LRRTM4: variants seen among roughly 807,000 people sequenced by gnomAD.
LRRTM4 encodes the protein leucine rich repeat transmembrane neuronal 4.
LRRTM4 carries 25 observed loss-of-function variants against 47.6 expected under a neutral mutation model. The ratio of observed to expected loss-of-function variants is 0.53; its 90% CI spans 0.38 to 0.73. The LOEUF (loss-of-function observed/expected upper bound fraction) is 0.73. LRRTM4 is among the 30% of genes least tolerant of loss of function. The pLI is 0.00. For synonymous variants in LRRTM4, 311 were observed against 269.5 expected, an observed-to-expected ratio of 1.15 and a Z score of -1.51; for missense variants, 638 against 713.4, an observed-to-expected ratio of 0.89 and a Z score of 1.20.
chr2:77,214,684 T>G (rs1215025237), intron 3 of LRRTM4, among the ~76,000 whole-genome samples: 2 of 152,076 alleles, frequency 1.3e-5, no homozygotes. Context: ...GCAAAAATAC[T>G]ATTTTTATAT....
chr2:76,907,338 A>C (rs1673880460), intron 3 of LRRTM4, among the ~76,000 whole-genome samples: 1 of 151,528 alleles, frequency 6.6e-6, no homozygotes, highest in Non-Finnish European at 1.5e-5. Flanking sequence ...GACGCATTCA[A>C]AGTAGTGTGT....
intron 3 of LRRTM4, among the ~76,000 whole-genome samples, chr2:76,833,729 A>G (rs992650057): frequency 1.3e-5 from 2 of 151,960 alleles, no homozygotes; most frequent in African/African-American, 4.8e-5. Flanking sequence ...AATATTCTAC[A>G]TGCTCAATGT....
intron 3 of LRRTM4, among the ~76,000 whole-genome samples, chr2:77,081,645 G>C (rs748590737): frequency 6.6e-6 from 1 of 152,060 alleles, no homozygotes; most frequent in Non-Finnish European, 1.5e-5. Flanking sequence ...TGTCAAGTTT[G>C]GGGTTCTATA....
At chr2:77,128,634 G>A (rs1255778307) in intron 3 of LRRTM4, among the ~76,000 whole-genome samples, 1 of 152,104 alleles carries the variant, frequency 6.6e-6, no homozygotes. Context: ...TAATAAGAAA[G>A]AAGAATTATG....
At chr2:77,141,394 T>C (rs1423894746) in intron 3 of LRRTM4, among the ~76,000 whole-genome samples, 4 of 146,816 alleles carry the variant, frequency 2.7e-5, no homozygotes, top group African/African-American at 1.0e-4. Flanking sequence ...CACTGCGTGT[T>C]CTCACTCACA....
intron 3 of LRRTM4, among the ~76,000 whole-genome samples, chr2:77,007,188 A>T (rs1257838313): frequency 5.3e-5 from 8 of 152,146 alleles, no homozygotes; most frequent in Non-Finnish European, 1.5e-5. Flanking sequence ...ACACGCATAT[A>T]TATATATGCA....
At chr2:77,498,027 G>C (rs938176238) in intron 3 of LRRTM4, among the ~76,000 whole-genome samples, 3 of 151,778 alleles carry the variant, frequency 2.0e-5, no homozygotes, top group Admixed American at 2.0e-4. Flanking sequence ...TGTGATCCAA[G>C]AACTAAACAT....
intron 3 of LRRTM4, among the ~76,000 whole-genome samples, chr2:77,002,017 G>C (rs149063620): frequency 1.1e-4 from 16 of 152,030 alleles, no homozygotes; most frequent in African/African-American, 3.9e-4. Flanking sequence ...AATAGGGCTT[G>C]ATTGATTTTC....
chr2:76,882,415 G>A (rs2104111359), intron 3 of LRRTM4, among the ~76,000 whole-genome samples: 1 of 152,150 alleles, frequency 6.6e-6, no homozygotes, highest in African/African-American at 2.4e-5. Context: ...AAAAAGGCCA[G>A]GCACGGTGGC....
intron 3 of LRRTM4, among the ~76,000 whole-genome samples, chr2:77,327,092 A>G (rs1670804476): frequency 6.6e-6 from 1 of 152,138 alleles, no homozygotes; most frequent in Non-Finnish European, 1.5e-5. Flanking sequence ...AGGGAAAAAG[A>G]TTTTCCTCCT....
At chr2:77,026,599 T>C (rs1396387161) in intron 3 of LRRTM4, among the ~76,000 whole-genome samples, 1 of 152,104 alleles carries the variant, frequency 6.6e-6, no homozygotes. Flanking sequence ...TTTAATTTTA[T>C]ACCATATTTA....
chr2:77,372,843 T>C (rs933961030), intron 3 of LRRTM4, among the ~76,000 whole-genome samples: 3 of 151,312 alleles, frequency 2.0e-5, no homozygotes, highest in Non-Finnish European at 4.4e-5. Flanking sequence ...GCATTGTGAG[T>C]TCAGAGTTCA....
At chr2:76,903,168 A>G (rs1673700948) in intron 3 of LRRTM4, among the ~76,000 whole-genome samples, 1 of 152,060 alleles carries the variant, frequency 6.6e-6, no homozygotes, top group Non-Finnish European at 1.5e-5. Context: ...TCAGGAGATC[A>G]AGATCATCCT....
intron 3 of LRRTM4, among the ~76,000 whole-genome samples, chr2:77,320,911 T>C (rs576112022): frequency 1.3e-5 from 2 of 152,070 alleles, no homozygotes; most frequent in African/African-American, 2.4e-5. Flanking sequence ...ACTTCAGCTT[T>C]TTTGATATTT....
intron 3 of LRRTM4, among the ~76,000 whole-genome samples, chr2:77,416,654 A>T (rs1674645673): frequency 6.6e-6 from 1 of 152,112 alleles, no homozygotes; most frequent in African/African-American, 2.4e-5. Flanking sequence ...ATATAATCTT[A>T]GCAAAATCAT....
chr2:77,045,300 C>G (rs1410556738), intron 3 of LRRTM4, among the ~76,000 whole-genome samples: 1 of 151,910 alleles, frequency 6.6e-6, no homozygotes, highest in African/African-American at 2.4e-5. Flanking sequence ...CACTCAGTTT[C>G]AACAGTTGTC....
At chr2:77,491,524 T>C (rs1053065303) in intron 3 of LRRTM4, among the ~76,000 whole-genome samples, 4 of 151,650 alleles carry the variant, frequency 2.6e-5, no homozygotes, top group Non-Finnish European at 5.9e-5. Flanking sequence ...ATCCAGCAAA[T>C]AAATTAAGTC....
chr2:76,979,835 G>T (rs1371203580), intron 3 of LRRTM4, among the ~76,000 whole-genome samples: 3 of 151,912 alleles, frequency 2.0e-5, no homozygotes, highest in African/African-American at 7.3e-5. Flanking sequence ...AAGCAGTTTA[G>T]ATTCCTATCT....
Position 77,091,299 on chromosome 2 carries a change from C to A in LRRTM4, c.1552-342383G>T, listed in dbSNP as rs376171013. Among the ~76,000 whole-genome samples the A allele has an allele frequency of 2.2e-3, 303 of 137,686 alleles. 4 individuals carry two copies. Among genetic ancestry groups the A allele is most frequent in the African/African-American group, 8.0e-3 (261 of 32,772 alleles). 90.3% of individuals were successfully genotyped at this position (137,686 alleles called of 152,430 possible). ...ATACCTCTACTCCCTCCTTGGCGACCGATCATGCACCCCTTACCATCTCAT... is the reference window on the plus strand; with the variant it reads ...ATACCTCTACTCCCTCCTTGGCGACAGATCATGCACCCCTTACCATCTCAT... On this transcript the variant is annotated intron_variant, in intron 3 of 3. Transcript: ENST00000409884.
Sources: gnomAD v4.1 joint callset for allele counts (sites outside exome capture counted in the v4.1 genomes callset) on GRCh38, gnomAD v4.1.1 for gene constraint, MANE v1.5 for transcripts, NCBI Gene and HGNC (gene_info 2026-07-23, HGNC 2026-07-21) for gene names.